Variants in NTRK2 observed in about 807,000 individuals in gnomAD.
NTRK2 encodes the protein neurotrophic receptor tyrosine kinase 2.
A neutral mutation model predicts 94.5 loss-of-function variants in NTRK2; 13 were observed. The observed-to-expected ratio is 0.14, with a 90% CI of 0.09 to 0.22. NTRK2 has a LOEUF of 0.22. NTRK2 is among the 10% of genes least tolerant of loss of function. The pLI is 1.00. For missense variants in NTRK2, 639 were observed against 1,071.2 expected, an observed-to-expected ratio of 0.60 and a Z score of 5.63; for synonymous variants, 372 against 407.4, an observed-to-expected ratio of 0.91 and a Z score of 1.05.
At chr9:84,752,996 G>A (rs1475801937) in intron 12 of NTRK2, among the ~76,000 whole-genome samples, 1 of 152,124 alleles carries the variant, frequency 6.6e-6, no homozygotes, top group Non-Finnish European at 1.5e-5. Flanking sequence ...TGCTAATATT[G>A]CTATTTACTT....
intron 14 of NTRK2, among the ~76,000 whole-genome samples, chr9:84,926,169 C>CTTTCTTTCTTT (rs2077789303): frequency 5.7e-4 from 22 of 38,552 alleles, no homozygotes; most frequent in East Asian, 1.7e-3. Flanking sequence ...TTCCTTCCTT[C>CTTTCTTTCTTT]CTTTCTTTCT....
At chr9:85,015,736 G>A (rs188634006) in intron 17 of NTRK2, among the ~76,000 whole-genome samples, 104 of 152,304 alleles carry the variant, frequency 6.8e-4, no homozygotes, top group African/African-American at 2.4e-3. Context: ...TCTTGAAGTG[G>A]TGGGACTTGA....
At chr9:84,762,764 C>G (rs1564211651) in intron 12 of NTRK2, among the ~76,000 whole-genome samples, 1 of 152,168 alleles carries the variant, frequency 6.6e-6, no homozygotes, top group Non-Finnish European at 1.5e-5. Flanking sequence ...TCCTACCACT[C>G]TGGGTAATCT....
chr9:84,724,262 T>C lies in NTRK2; in HGVS notation c.759T>C (p.Thr253=), dbSNP rs2062286187. The change falls in exon 8 of 19, where the codon ACT becomes ACC. Residue 253 remains threonine (T), a synonymous_variant. Transcript: ENST00000277120. ...TSHTQGSLRI[T]NISSDDSGKQ... is the part of the protein sequence containing the mutation. ...ACACACAGGGCTCCTTAAGGATAAC[T>C]AACATTTCATCCGATGACAGTGGGA... 2 of 1,614,014 alleles carry C rather than the reference T, an allele frequency of 1.2e-6. No individual in the cohort carries two copies. The highest frequency in any genetic ancestry group is 1.7e-6 in the Non-Finnish European group (2 of 1,179,978).
In NTRK2 at chr9:84,835,048, C is replaced by T. The variant is rs762630316; in HGVS notation, c.1397-25992C>T. Among the ~76,000 whole-genome samples the T allele has an allele frequency of 4.6e-5, 7 of 152,174 alleles. 1 individual carries two copies. The Middle Eastern group carries it at 0.014, about 296-fold the overall frequency. On this transcript the variant is annotated intron_variant, in intron 12 of 18. Transcript: ENST00000277120. ...TCTTGGGTAGGTGATATTCCTTTGG[C>T]GGGGAAAACCATAACAACTGCCTAC...
chr9:84,775,318 C>T (rs2066926663), intron 12 of NTRK2, among the ~76,000 whole-genome samples: 2 of 152,238 alleles, frequency 1.3e-5, no homozygotes, highest in African/African-American at 4.8e-5. Context: ...AGCCTCTTGA[C>T]TCCCAGCCCA....
chr9:84,744,980 A>G lies in NTRK2; in HGVS notation c.1203A>G (p.Gly401=). ...CCCCTTTGCCCACTTAAGATTATGG[A>G]ACTGCAGCGAATGACATCGGGGACA... ...NYPDVIYEDY[G]TAANDIGDTT... is the part of the protein sequence containing the mutation. Residue 401 remains glycine, a synonymous_variant, in exon 11 of 19, where the codon GGA becomes GGG. Coordinates refer to ENST00000277120, the MANE Select transcript of NTRK2 (RefSeq NM_006180.6). The G allele has an allele frequency of 6.2e-7, 1 of 1,612,826 alleles. No individual in the cohort carries two copies. The highest frequency in any genetic ancestry group is 8.5e-7 in the Non-Finnish European group (1 of 1,179,016).
At chr9:84,929,464 AC>A (rs2077944029) in intron 14 of NTRK2, among the ~76,000 whole-genome samples, 1 of 152,060 alleles carries the variant, frequency 6.6e-6, no homozygotes, top group South Asian at 2.1e-4. Context: ...GGTGAATTTT[AC>A]ACAGAAATTT....
intron 14 of NTRK2, among the ~76,000 whole-genome samples, chr9:84,930,887 T>G (rs2078000856): frequency 6.6e-6 from 1 of 152,244 alleles, no homozygotes; most frequent in Non-Finnish European, 1.5e-5. Context: ...TTCTTCCCAC[T>G]GCTGCCATCC....
intron 2 of NTRK2, among the ~76,000 whole-genome samples, chr9:84,701,011 G>A (rs1286100617): frequency 1.3e-5 from 2 of 152,180 alleles, no homozygotes; most frequent in East Asian, 3.8e-4. Flanking sequence ...TTATAAAACA[G>A]ATCTAGCTAT....
At chr9:84,954,274 AG>A (rs1179992691) in intron 16 of NTRK2, among the ~76,000 whole-genome samples, 1 of 152,156 alleles carries the variant, frequency 6.6e-6, no homozygotes, top group African/African-American at 2.4e-5. Flanking sequence ...TCAGGCCACC[AG>A]GGGCAATGAC....
chr9:85,016,018 C>A lies in NTRK2; in HGVS notation c.2173-4188C>A, dbSNP rs894908109. ...AGGGGCATTACTTGCACTATCCAGGCAAGTCCATGTCTGCTGTAGAGCATA... is the reference window on the plus strand; with the variant it reads ...AGGGGCATTACTTGCACTATCCAGGAAAGTCCATGTCTGCTGTAGAGCATA... On this transcript the variant is annotated intron_variant, in intron 17 of 18. Transcript: ENST00000277120. Among the ~76,000 whole-genome samples, 5 of 152,190 alleles carry A rather than the reference C, an allele frequency of 3.3e-5. No homozygotes were observed. The East Asian group carries it at 7.7e-4, about 23-fold the overall frequency.
intron 12 of NTRK2, among the ~76,000 whole-genome samples, chr9:84,780,328 C>T (rs1444929399): frequency 6.6e-6 from 1 of 152,130 alleles, no homozygotes; most frequent in African/African-American, 2.4e-5. Context: ...GTGACAGAGA[C>T]CTTATGTCTC....
chr9:84,874,166 C>T (rs1173479434), intron 14 of NTRK2: 4 of 1,064,870 alleles, frequency 3.8e-6, no homozygotes, highest in Non-Finnish European at 4.6e-6. Flanking sequence ...GCCACTCTTG[C>T]ATGTGCTAGT....
At chr9:84,810,304 G>A (rs2071626041) in intron 12 of NTRK2, among the ~76,000 whole-genome samples, 1 of 152,152 alleles carries the variant, frequency 6.6e-6, no homozygotes, top group African/African-American at 2.4e-5. Context: ...CTTGTTTCAT[G>A]TACCATGTAA....
At chr9:84,988,586 C>T (rs984729449) in intron 17 of NTRK2, among the ~76,000 whole-genome samples, 8 of 152,310 alleles carry the variant, frequency 5.3e-5, no homozygotes, top group Non-Finnish European at 7.3e-5. Context: ...GACCCTGATG[C>T]GGCGAGGGAA....
At chr9:84,707,088 C>T (rs1400729755) in intron 4 of NTRK2, among the ~76,000 whole-genome samples, 2 of 152,104 alleles carry the variant, frequency 1.3e-5, no homozygotes, top group Non-Finnish European at 1.5e-5. Flanking sequence ...GTTTCCTACC[C>T]CAAAATCTCA....
chr9:84,716,851 A>T (rs1336908196), intron 6 of NTRK2, among the ~76,000 whole-genome samples: 1 of 152,220 alleles, frequency 6.6e-6, no homozygotes, highest in African/African-American at 2.4e-5. Context: ...ATGTGTTTAG[A>T]AGTGCAGTTT....
At chr9:84,840,673 T>G (rs2074128744) in intron 12 of NTRK2, among the ~76,000 whole-genome samples, 1 of 152,196 alleles carries the variant, frequency 6.6e-6, no homozygotes, top group Non-Finnish European at 1.5e-5. Context: ...ACACTGCTCT[T>G]GACTTCCCAT....
Sources: gnomAD v4.1 joint callset for allele counts (sites outside exome capture counted in the v4.1 genomes callset) on GRCh38, gnomAD v4.1.1 for gene constraint, MANE v1.5 for transcripts, NCBI Gene and HGNC (gene_info 2026-07-23, HGNC 2026-07-21) for gene names.